The following RNF217 variants were observed in gnomAD, a reference collection of about 807,000 sequenced individuals.
RNF217 encodes the protein ring finger protein 217, also known as E3 ubiquitin-protein ligase RNF217.
RNF217 carries 31 observed loss-of-function variants against 57.8 expected under a neutral mutation model. That is an observed-to-expected ratio of 0.54 (90% CI 0.40 to 0.72). RNF217 has a LOEUF of 0.72. RNF217 is among the 30% of genes least tolerant of loss of function. The probability of loss-of-function intolerance (pLI) is 0.00; values close to 1 mark genes in which losing one functional copy is unlikely to be tolerated. For synonymous variants in RNF217, 313 were observed against 294.0 expected, an observed-to-expected ratio of 1.06 and a Z score of -0.66; for missense variants, 696 against 708.3, an observed-to-expected ratio of 0.98 and a Z score of 0.20.
intron 1 of RNF217, among the ~76,000 whole-genome samples, chr6:125,032,138 A>G (rs1346694851): frequency 6.6e-6 from 1 of 152,164 alleles, no homozygotes; most frequent in Non-Finnish European, 1.5e-5. Flanking sequence ...CCCTCCCACA[A>G]GTAGGAATTC....
In RNF217 at chr6:125,092,466, T is replaced by A. The variant is rs769180272; in HGVS notation, c.*9529T>A. ...TGAAATCAGATTGCATGGAAGAATA[T>A]AAAGACACTCACTCGGATGAAAACT... On this transcript the variant is annotated 3_prime_UTR_variant, in exon 6 of 6. Coordinates refer to ENST00000521654, the MANE Select transcript of RNF217 (RefSeq NM_001286398.3). 1 of 152,148 alleles carries A rather than the reference T, an allele frequency of 6.6e-6. No homozygotes were observed. Among genetic ancestry groups the A allele is most frequent in the Non-Finnish European group, 1.5e-5 (1 of 68,004 alleles). The allele number at this position is 152,148 out of a possible 1,614,324, so 9.4% of individuals were successfully genotyped here.
intron 3 of RNF217, among the ~76,000 whole-genome samples, chr6:125,074,294 T>C (rs948976160): frequency 7.6e-6 from 1 of 130,954 alleles, no homozygotes; most frequent in African/African-American, 2.8e-5. Context: ...AGACAGAAGA[T>C]AGGTAGATAG....
At chr6:125,032,523 G>A (rs1269471307) in intron 1 of RNF217, among the ~76,000 whole-genome samples, 1 of 151,756 alleles carries the variant, frequency 6.6e-6, no homozygotes, top group African/African-American at 2.4e-5. Context: ...AAAGCTAGGT[G>A]AATATTATTT....
chr6:124,965,007 T>C (rs943054723), intron 1 of RNF217, among the ~76,000 whole-genome samples: 40 of 152,208 alleles, frequency 2.6e-4, no homozygotes, highest in Non-Finnish European at 1.2e-4. Context: ...TTGGGGTACT[T>C]TACCTAGCAG....
chr6:125,000,142 A>AT (rs556497578), intron 1 of RNF217, among the ~76,000 whole-genome samples: 21 of 150,644 alleles, frequency 1.4e-4, no homozygotes, highest in African/African-American at 3.4e-4. Context: ...ATCTCTGTTT[A>AT]TTTTTTTTTA....
At chr6:125,028,695 A>G (rs973222695) in intron 1 of RNF217, among the ~76,000 whole-genome samples, 4 of 152,250 alleles carry the variant, frequency 2.6e-5, no homozygotes, top group East Asian at 1.9e-4. Flanking sequence ...AAATTATGCA[A>G]TTATTCTCTT....
intron 1 of RNF217, among the ~76,000 whole-genome samples, chr6:125,013,780 T>A (rs1438198335): frequency 3.3e-5 from 5 of 152,182 alleles, no homozygotes. Context: ...AGCACAAGAT[T>A]TTTAGTCTAG....
At chr6:125,062,622 G>T (rs1306732959) in intron 3 of RNF217, among the ~76,000 whole-genome samples, 4 of 152,020 alleles carry the variant, frequency 2.6e-5, no homozygotes, top group Non-Finnish European at 4.4e-5. Flanking sequence ...TTTCACCCGG[G>T]ATGGAGTGCA....
chr6:125,026,539 C>T (rs897849580), intron 1 of RNF217, among the ~76,000 whole-genome samples: 1 of 152,052 alleles, frequency 6.6e-6, no homozygotes, highest in Non-Finnish European at 1.5e-5. Context: ...GCATTGAGAG[C>T]GTAAACGTGT....
intron 4 of RNF217, among the ~76,000 whole-genome samples, chr6:125,079,194 A>G (rs980126243): frequency 7.2e-5 from 11 of 152,166 alleles, no homozygotes; most frequent in Admixed American, 5.9e-4. Context: ...TTTGGGGATG[A>G]TTAGCAGCCT....
intron 3 of RNF217, among the ~76,000 whole-genome samples, chr6:125,070,897 A>T (rs928048434): frequency 2.0e-5 from 3 of 152,232 alleles, no homozygotes; most frequent in African/African-American, 7.2e-5. Flanking sequence ...AATGCTGCTT[A>T]AACAATAAAG....
intron 1 of RNF217, among the ~76,000 whole-genome samples, chr6:125,016,809 A>T (rs1236770890): frequency 6.6e-6 from 1 of 152,136 alleles, no homozygotes; most frequent in Non-Finnish European, 1.5e-5. Context: ...GGGGAGGAAT[A>T]ACATTAGGTA....
At chr6:125,018,400 C>T (rs1785693087) in intron 1 of RNF217, among the ~76,000 whole-genome samples, 1 of 152,116 alleles carries the variant, frequency 6.6e-6, no homozygotes, top group South Asian at 2.1e-4. Flanking sequence ...AGAATGATCT[C>T]ATTTTATTTA....
At position 124,962,932 on chromosome 6, in the gene RNF217, G is replaced by A. The variant is rs907022845; in HGVS notation, c.388G>A (p.Gly130Ser). Residue 130 changes from glycine to serine, a missense_variant, in exon 1 of 6, where the codon GGC (glycine) becomes AGC (serine). This residue lies in a region of RNF217 where 465 missense variants were observed against 386.8 expected (regional missense o/e 1.20). Transcript: ENST00000521654. The surrounding 1 kb of genome is among the most constrained non-coding windows in gnomAD (Gnocchi z 4.6). Reference sequence around the variant, plus strand: ...GGATGAACAGCAGGAGGCGCCCCCCGGCGAAGAGCTGGAGCCCAGGACCCG... The same window carrying A: ...GGATGAACAGCAGGAGGCGCCCCCCAGCGAAGAGCTGGAGCCCAGGACCCG... Reference protein sequence around the residue: ...GGDEQQEAPPGEELEPRTRVG... With the variant: ...GGDEQQEAPPSEELEPRTRVG... The A allele has an allele frequency of 1.1e-5, 17 of 1,597,848 alleles. No homozygotes were observed. The African/African-American group carries it at 1.1e-4, about 10-fold the overall frequency.
intron 2 of RNF217, among the ~76,000 whole-genome samples, chr6:125,048,812 T>C (rs543554623): frequency 6.6e-6 from 1 of 152,148 alleles, no homozygotes; most frequent in Admixed American, 6.6e-5. Context: ...TGTCCATTTG[T>C]CCTTCCAGGC....
chr6:125,009,193 GTAAAGA>G, intron 1 of RNF217: 1 of 1,574,900 alleles, frequency 6.3e-7, no homozygotes, highest in South Asian at 1.2e-5. Context: ...CAGCACTTGA[GTAAAGA>G]TAAAGAGTAG....
intron 1 of RNF217, among the ~76,000 whole-genome samples, chr6:124,983,172 T>C (rs1467737370): frequency 6.6e-6 from 1 of 152,238 alleles, no homozygotes; most frequent in African/African-American, 2.4e-5. Flanking sequence ...AGAAATTTTA[T>C]GTAAAATCAA....
At chr6:125,075,475 G>C (rs1180163823) in intron 3 of RNF217, among the ~76,000 whole-genome samples, 1 of 152,092 alleles carries the variant, frequency 6.6e-6, no homozygotes, top group Non-Finnish European at 1.5e-5. Context: ...GGCAGCAGGA[G>C]AGAGAATGAA....
chr6:124,974,078 C>T (rs1388315542), intron 1 of RNF217, among the ~76,000 whole-genome samples: 1 of 152,130 alleles, frequency 6.6e-6, no homozygotes, highest in Non-Finnish European at 1.5e-5. Flanking sequence ...GAGCCAGCAT[C>T]CCAAGGGATG....
Sources: gnomAD v4.1 joint callset for allele counts (sites outside exome capture counted in the v4.1 genomes callset) on GRCh38, gnomAD v4.1.1 for gene constraint, gnomAD v4.1.1 regional missense constraint, Gnocchi (gnomAD v3.1) non-coding constraint, MANE v1.5 for transcripts, NCBI Gene and HGNC (gene_info 2026-07-23, HGNC 2026-07-21) for gene names.